Variants in TENT5B observed in about 807,000 individuals in gnomAD.
TENT5B encodes family with sequence similarity 46 member B.
In TENT5B, 12 loss-of-function variants were observed where a neutral mutation model predicts 21.7. The ratio of observed to expected loss-of-function variants is 0.55; its 90% CI spans 0.36 to 0.90. TENT5B has a LOEUF of 0.90. TENT5B is among the 40% of genes least tolerant of loss of function. TENT5B has a pLI of 0.01. For synonymous variants in TENT5B, 262 were observed against 266.6 expected (o/e 0.98, Z 0.17); for missense variants, 540 against 601.5 (o/e 0.90, Z 1.07).
chr1:27,011,765 G>A (rs946212328), intron 1 of TENT5B, among the ~76,000 whole-genome samples: 2 of 152,220 alleles, frequency 1.3e-5, no homozygotes, highest in African/African-American at 4.8e-5. Flanking sequence ...ATCTTGGGAA[G>A]GAGAAGAAAC....
intron 1 of TENT5B, among the ~76,000 whole-genome samples, chr1:27,008,051 C>A (rs2082608884): frequency 6.6e-6 from 1 of 152,144 alleles, no homozygotes; most frequent in Non-Finnish European, 1.5e-5. Context: ...GAAACTGAGG[C>A]TTACAGTGGT....
intron 1 of TENT5B, among the ~76,000 whole-genome samples, 194 bp from the exon 2 acceptor site, chr1:27,007,151 A>C (rs960935560): frequency 1.5e-4 from 23 of 151,914 alleles, no homozygotes; most frequent in Admixed American, 1.5e-3. Flanking sequence ...TAACTCTTTA[A>C]ACCTAATCTG....
Position 27,006,939 on chromosome 1 carries a change from C to G in TENT5B, c.283G>C (p.Glu95Gln). 4 of 1,592,366 alleles carry G rather than the reference C, an allele frequency of 2.5e-6. No individual in the cohort carries two copies. The highest frequency in any genetic ancestry group is 3.4e-6 in the Non-Finnish European group (4 of 1,165,834). ...CTGTGCACATGTAGTCCCTGCTCCT[C>G]CAGGGTGCTGCGGACCACCTGCAGG... is the stretch of plus-strand genomic sequence containing the variant. ...QIVQVVRSTL[E>Q]EQGLHVHSVR... Residue 95 changes from glutamate (E) to glutamine (Q), a missense_variant, in exon 2 of 2, where the codon GAG becomes CAG. Transcript: ENST00000289166. The surrounding 1 kb of genome is among the most constrained non-coding windows in gnomAD (Gnocchi z 9.4).
intron 1 of TENT5B, 31 bp downstream of exon 1, chr1:27,012,375 TC>T: frequency 6.3e-7 from 1 of 1,599,498 alleles, no homozygotes; most frequent in East Asian, 2.3e-5. Flanking sequence ...CAGAAGGGAT[TC>T]CCCCACATCC....
intron 1 of TENT5B, 85 bp downstream of exon 1, chr1:27,012,322 G>GA: frequency 6.5e-7 from 1 of 1,538,476 alleles, no homozygotes; most frequent in Non-Finnish European, 8.7e-7. Context: ...TAGCTGTCTA[G>GA]AAAGTCAAAC....
Position 27,008,020 on chromosome 1 carries a change from CTTT to C in TENT5B, c.265-1066_265-1064del, listed in dbSNP as rs961889389. 2.0e-5 allele frequency among the ~76,000 whole-genome samples: 3 copies of C among 152,096 alleles called. No homozygotes were observed. In the East Asian group the frequency reaches 5.8e-4, roughly 29 times the overall value. Reference sequence around the variant, plus strand: ...GACCCAGTGAGGCAAAAATTATATACTTTTTTTGCTCTCGGATGAGGAAACTGA... The same window carrying C: ...GACCCAGTGAGGCAAAAATTATATACTTTTGCTCTCGGATGAGGAAACTGA... On this transcript the variant is annotated intron_variant, in intron 1 of 1. Coordinates refer to ENST00000289166, the MANE Select transcript of TENT5B (RefSeq NM_052943.4).
rs763617231 is a variant in TENT5B, at chr1:27,006,909, G to A, written c.313C>T (p.Arg105Trp). 5 of 1,611,394 alleles carry A rather than the reference G, an allele frequency of 3.1e-6. No individual in the cohort carries two copies. The highest frequency in any genetic ancestry group is 2.2e-5 in the South Asian group (2 of 90,682). The change falls in exon 2 of 2, where the codon CGG becomes TGG. Residue 105 changes from arginine (R) to tryptophan (W), a missense_variant. By Grantham distance (101) the Arg-to-Trp change is moderately radical. Transcript: ENST00000289166. This position sits in a 1 kb window ranked among gnomAD's most constrained non-coding sequence, Gnocchi z 9.4. ...EEQGLHVHSV[R>W]LHGSAASHVL... The stretch of plus-strand genomic sequence containing the variant: ...TGGCTGGCAGCTGAACCATGCAGCC[G>A]CACACTGTGCACATGTAGTCCCTGC...
At chr1:27,008,424 G>A (rs2082610397) in intron 1 of TENT5B, among the ~76,000 whole-genome samples, 2 of 152,114 alleles carry the variant, frequency 1.3e-5, no homozygotes, top group Admixed American at 6.5e-5. Flanking sequence ...GAAGACTTCC[G>A]GGAGGAGCAA....
At position 27,006,865 on chromosome 1, in the gene TENT5B, A is replaced by C. The variant is rs776600056; in HGVS notation, c.357T>G (p.Ser119Arg). The change falls in exon 2 of 2, where the codon AGT becomes AGG. Residue 119 changes from serine (S) to arginine (R), a missense_variant. Coordinates refer to ENST00000289166, the MANE Select transcript of TENT5B (RefSeq NM_052943.4). The surrounding 1 kb of genome is among the most constrained non-coding windows in gnomAD (Gnocchi z 9.4). ...GGTCCAGATCCTTGTAGCCCAGGCCACTCTCAGGGTGCAGCACGTGGCTGG... is the reference window on the plus strand; with the variant it reads ...GGTCCAGATCCTTGTAGCCCAGGCCCCTCTCAGGGTGCAGCACGTGGCTGG... ...SAASHVLHPESGLGYKDLDLV... is the reference protein window; with the variant it reads ...SAASHVLHPERGLGYKDLDLV... 6.2e-7 allele frequency: 1 copy of C among 1,613,738 alleles called. No homozygotes were observed.
chr1:27,012,842 CTAGCGCCT>C lies in TENT5B; in HGVS notation c.-180_-173del. ...CTCAGACGGCGACGACTAACCGACCCTAGCGCCTGCAGCCCGCGGCCCAGCGGACTCTT... is the reference window on the plus strand; with the variant it reads ...CTCAGACGGCGACGACTAACCGACCCGCAGCCCGCGGCCCAGCGGACTCTT... On this transcript the variant is annotated 5_prime_UTR_variant, in exon 1 of 2. Coordinates refer to ENST00000289166, the MANE Select transcript of TENT5B (RefSeq NM_052943.4). 1.1e-6 allele frequency: 1 copy of C among 870,354 alleles called. No homozygotes were observed. The highest frequency in any genetic ancestry group is 1.6e-6 in the Non-Finnish European group (1 of 619,166). 53.9% of individuals were successfully genotyped at this position (870,354 alleles called of 1,614,324 possible).
Position 27,012,677 on chromosome 1 carries a change from G to A in TENT5B, c.-7C>T, listed in dbSNP as rs1230152399. The A allele has an allele frequency of 2.1e-6, 3 of 1,454,854 alleles. No individual in the cohort carries two copies. In the African/African-American group the frequency reaches 4.5e-5, roughly 22 times the overall value. The allele number at this position is 1,454,854 out of a possible 1,614,324, so 90.1% of individuals were successfully genotyped here. A position where few individuals can be genotyped will look rare whatever the true frequency, so the allele number is the denominator to read the frequency against. The stretch of plus-strand genomic sequence containing the variant: ...CGCTCTCCGACGGCATCATCCGCCC[G>A]GCCCCCGGGCCCCGACGGCAGAAAC... On this transcript the variant is annotated 5_prime_UTR_variant, in exon 1 of 2. Transcript: ENST00000289166.
chr1:27,009,860 G>A (rs2082616249), intron 1 of TENT5B, among the ~76,000 whole-genome samples: 1 of 152,226 alleles, frequency 6.6e-6, no homozygotes, highest in East Asian at 1.9e-4. Context: ...TCCCAGGTGT[G>A]ACTACAGCCA....
In TENT5B at chr1:27,005,418, T is replaced by A. The variant is rs2082591607; in HGVS notation, c.*526A>T. 1 of 153,566 alleles carries A rather than the reference T, an allele frequency of 6.5e-6. No homozygotes were observed. The highest frequency in any genetic ancestry group is 2.1e-4 in the South Asian group (1 of 4,860). 9.5% of individuals were successfully genotyped at this position (153,566 alleles called of 1,614,324 possible). ...CCCAGGTATCTGCCTCGGGCCTCAG[T>A]TTCCCTCCTCCCAGTGATTACCCAA... On this transcript the variant is annotated 3_prime_UTR_variant, in exon 2 of 2. Transcript: ENST00000289166.
intron 1 of TENT5B, among the ~76,000 whole-genome samples, chr1:27,011,211 C>T (rs527899106): frequency 2.0e-5 from 3 of 152,322 alleles, no homozygotes; most frequent in East Asian, 3.9e-4. Flanking sequence ...TCTGCCCCCG[C>T]CCCCTCCAGT....
rs2082601162 is a variant in TENT5B at position 27,006,657 on chromosome 1, G to A, written c.565C>T (p.Leu189Phe). Reference sequence around the variant, plus strand: ...CCGCTCTTGTTGGACAGTGAGATGAGGCTCCAGCGGTCCGAGTCTGTGCAC... The same window carrying A: ...CCGCTCTTGTTGGACAGTGAGATGAAGCTCCAGCGGTCCGAGTCTGTGCAC... ...KVCTDSDRWS[L>F]ISLSNKSGKN... is the part of the protein sequence containing the mutation. Residue 189 changes from leucine to phenylalanine, a missense_variant, in exon 2 of 2, where the codon CTC (leucine) becomes TTC (phenylalanine). Transcript: ENST00000289166. This position sits in a 1 kb window ranked among gnomAD's most constrained non-coding sequence, Gnocchi z 9.4. 2 of 1,614,160 alleles carry A rather than the reference G, an allele frequency of 1.2e-6. No homozygotes were observed. The highest frequency in any genetic ancestry group is 1.6e-4 in the Middle Eastern group (1 of 6,062).
intron 1 of TENT5B, among the ~76,000 whole-genome samples, chr1:27,008,440 C>CTGT (rs1557703345): frequency 2.6e-5 from 4 of 152,028 alleles, no homozygotes; most frequent in Non-Finnish European, 5.9e-5. Context: ...AGCAACTTTA[C>CTGT]CAGGGGAAGA....
chr1:27,008,298 C>T (rs2082609814), intron 1 of TENT5B, among the ~76,000 whole-genome samples: 1 of 152,168 alleles, frequency 6.6e-6, no homozygotes, highest in Non-Finnish European at 1.5e-5. Flanking sequence ...AAGTCAGCAC[C>T]CAGCTCCAGA....
rs1472239700 is a variant in TENT5B at position 27,006,035 on chromosome 1, T to A, written c.1187A>T (p.Asp396Val). The A allele has an allele frequency of 2.0e-5, 33 of 1,610,964 alleles. No individual in the cohort carries two copies. Among genetic ancestry groups the A allele is most frequent in the Non-Finnish European group, 2.7e-5 (32 of 1,178,462 alleles). Residue 396 changes from aspartate (D) to valine (V), a missense_variant, in exon 2 of 2, where the codon GAC (aspartate) becomes GTC (valine). Transcript: ENST00000289166. This position sits in a 1 kb window ranked among gnomAD's most constrained non-coding sequence, Gnocchi z 9.4. ...AALAWRPPGTDGVVPATVNYY... is the reference protein window; with the variant it reads ...AALAWRPPGTVGVVPATVNYY... ...ATTGACAGTGGCTGGCACAACCCCG[T>A]CAGTGCCTGGAGGGCGCCAGGCCAG...
At chr1:27,009,205 G>C (rs2082614000) in intron 1 of TENT5B, among the ~76,000 whole-genome samples, 1 of 151,642 alleles carries the variant, frequency 6.6e-6, no homozygotes, top group Non-Finnish European at 1.5e-5. Context: ...CCGGACTCAA[G>C]CTATTCCCCT....
Sources: allele counts gnomAD v4.1 joint callset (sites outside exome capture counted in the v4.1 genomes callset), GRCh38; gene constraint gnomAD v4.1.1; non-coding constraint Gnocchi (gnomAD v3.1); transcripts MANE v1.5; gene names NCBI Gene and HGNC (gene_info 2026-07-23, HGNC 2026-07-21).